RIMBP2: variants seen among roughly 807,000 people sequenced by gnomAD.
RIMBP2 encodes the protein RIMS-binding protein 2.
Under a neutral mutation model 118.6 loss-of-function variants are expected in RIMBP2, and 48 were observed. The observed-to-expected ratio is 0.40, with a 90% CI of 0.32 to 0.51. The LOEUF (loss-of-function observed/expected upper bound fraction) is 0.51. RIMBP2 is among the 20% of genes least tolerant of loss of function. The probability of loss-of-function intolerance (pLI) is 0.41; values close to 1 mark genes in which losing one functional copy is unlikely to be tolerated. For missense variants in RIMBP2, 1,551 were observed against 1,768.3 expected, an observed-to-expected ratio of 0.88 and a Z score of 2.20; for synonymous variants, 762 against 742.9, an observed-to-expected ratio of 1.03 and a Z score of -0.42.
At chr12:130,661,371 C>T (rs924009470) in intron 1 of RIMBP2, among the ~76,000 whole-genome samples, 7 of 152,142 alleles carry the variant, frequency 4.6e-5, no homozygotes, top group African/African-American at 1.7e-4. Context: ...TAACTAGCCT[C>T]AGCATTGTTG....
intron 4 of RIMBP2, among the ~76,000 whole-genome samples, chr12:130,495,741 T>C (rs1313612180): frequency 6.6e-6 from 1 of 152,226 alleles, no homozygotes; most frequent in Non-Finnish European, 1.5e-5. Context: ...TCTTGATCAC[T>C]AACCTCTCCA....
chr12:130,646,154 T>G (rs12832222), intron 1 of RIMBP2, among the ~76,000 whole-genome samples: 1,429 of 10,196 alleles, frequency 0.14, 206 homozygotes, highest in Middle Eastern at 0.21. Flanking sequence ...CACCTGCCTC[T>G]CCACCTCCCT....
At chr12:130,520,698 A>C (rs2052007231) in intron 2 of RIMBP2, among the ~76,000 whole-genome samples, 1 of 141,962 alleles carries the variant, frequency 7.0e-6, no homozygotes, top group Admixed American at 7.3e-5. Flanking sequence ...AAAAAAAGCC[A>C]GTCACAGGGA....
chr12:130,478,297 C>T (rs1365189096), intron 5 of RIMBP2, among the ~76,000 whole-genome samples: 2 of 152,218 alleles, frequency 1.3e-5, no homozygotes, highest in Non-Finnish European at 2.9e-5. Flanking sequence ...TGCTCTGCAA[C>T]TCAGTTTTCT....
chr12:130,485,978 T>C (rs1384941634), intron 4 of RIMBP2, among the ~76,000 whole-genome samples: 1 of 152,188 alleles, frequency 6.6e-6, no homozygotes, highest in Non-Finnish European at 1.5e-5. Context: ...TCATCACAGA[T>C]GCCATGGCTG....
At chr12:130,672,684 C>CT (rs1157678389) in intron 1 of RIMBP2, among the ~76,000 whole-genome samples, 3 of 152,284 alleles carry the variant, frequency 2.0e-5, no homozygotes, top group Non-Finnish European at 4.4e-5. Context: ...GAGGTAGCAG[C>CT]TTTGGGGAAC....
intron 2 of RIMBP2, among the ~76,000 whole-genome samples, chr12:130,535,738 C>CATAT (rs55887629): frequency 1.3e-3 from 88 of 66,652 alleles, no homozygotes; most frequent in South Asian, 2.3e-3. Context: ...CATATATATA[C>CATAT]ATATATATAT....
intron 10 of RIMBP2, 139 bp downstream of exon 10, chr12:130,445,021 T>A: frequency 1.8e-6 from 1 of 553,980 alleles, no homozygotes; most frequent in South Asian, 3.2e-5. Context: ...AACTACGGAG[T>A]GGGGAAGGGT....
chr12:130,440,277 C>T (rs976968910), intron 11 of RIMBP2, among the ~76,000 whole-genome samples: 6 of 152,004 alleles, frequency 3.9e-5, no homozygotes, highest in Non-Finnish European at 8.8e-5. Context: ...CATGGCTAAC[C>T]CTGGCCATAC....
chr12:130,518,615 A>T (rs1171299972), intron 2 of RIMBP2, among the ~76,000 whole-genome samples: 1 of 152,100 alleles, frequency 6.6e-6, no homozygotes, highest in Non-Finnish European at 1.5e-5. Context: ...GAGGGAGAAA[A>T]CTCATTTTTA....
rs568320561 is a variant in RIMBP2 at position 130,478,822 on chromosome 12, C to T, written c.102+90G>A. The T allele has an allele frequency of 3.0e-4, 260 of 873,736 alleles. 1 individual carries two copies. The African/African-American group carries it at 3.8e-3, about 13-fold the overall frequency. 54.1% of individuals were successfully genotyped at this position (873,736 alleles called of 1,614,324 possible). On this transcript the variant is annotated intron_variant, in intron 5 of 22. Coordinates refer to ENST00000690449, the MANE Select transcript of RIMBP2 (RefSeq NM_001393629.1). ...GAGGGAGCGGCCTGGGAGCCAAGGC[C>T]GCAGGTCGGCCGCTCCACCACACCA...
intron 6 of RIMBP2, chr12:130,470,333 C>G (rs1343036530): frequency 4.8e-6 from 1 of 206,878 alleles, no homozygotes; most frequent in African/African-American, 2.3e-5. Flanking sequence ...GGCCTTTACC[C>G]CTGGGGAAAT....
chr12:130,473,813 A>G (rs988454640), intron 5 of RIMBP2, among the ~76,000 whole-genome samples: 1 of 152,140 alleles, frequency 6.6e-6, no homozygotes, highest in Non-Finnish European at 1.5e-5. Context: ...TCCACACACA[A>G]CTGAGGCCGA....
At chr12:130,565,798 G>A (rs933490225) in intron 2 of RIMBP2, among the ~76,000 whole-genome samples, 3 of 152,152 alleles carry the variant, frequency 2.0e-5, no homozygotes, top group Non-Finnish European at 2.9e-5. Flanking sequence ...CACTGTTAAC[G>A]AAATAAATAG....
At chr12:130,711,996 T>A (rs953603108) in intron 1 of RIMBP2, among the ~76,000 whole-genome samples, 22 of 152,208 alleles carry the variant, frequency 1.4e-4, no homozygotes, top group Non-Finnish European at 2.2e-4. Context: ...TACTTCTGCA[T>A]CTAATCATAG....
chr12:130,449,607 G>A (rs1456046360), intron 9 of RIMBP2, among the ~76,000 whole-genome samples: 1 of 149,096 alleles, frequency 6.7e-6, no homozygotes, highest in East Asian at 2.0e-4. Flanking sequence ...GTGGCGGGAT[G>A]TCCCCTGGAA....
intron 17 of RIMBP2, among the ~76,000 whole-genome samples, chr12:130,415,817 C>A (rs2076064770): frequency 6.6e-6 from 1 of 152,196 alleles, no homozygotes; most frequent in South Asian, 2.1e-4. Flanking sequence ...GAAGACTCTG[C>A]TAAAAGGCTC....
intron 3 of RIMBP2, among the ~76,000 whole-genome samples, chr12:130,512,490 T>C (rs1036005454): frequency 6.6e-6 from 1 of 152,130 alleles, no homozygotes; most frequent in African/African-American, 2.4e-5. Context: ...GCCCAGCCAA[T>C]TTTTGTATTT....
rs139127176 is a variant in RIMBP2 at position 130,480,397 on chromosome 12, G to A, written c.-3-1381C>T. ...GATGGCATATACCCCCGATGTCTGC[G>A]GCCCCACGGGCCTGCCCCCCATGTC... On this transcript the variant is annotated intron_variant, in intron 4 of 22. Coordinates refer to ENST00000690449, the MANE Select transcript of RIMBP2 (RefSeq NM_001393629.1). Among the ~76,000 whole-genome samples, 6 of 152,226 alleles carry A rather than the reference G, an allele frequency of 3.9e-5. No homozygotes were observed. The East Asian group carries it at 7.8e-4, about 20-fold the overall frequency.
Sources: gnomAD v4.1 joint callset for allele counts (sites outside exome capture counted in the v4.1 genomes callset) on GRCh38, gnomAD v4.1.1 for gene constraint, MANE v1.5 for transcripts, NCBI Gene and HGNC (gene_info 2026-07-23, HGNC 2026-07-21) for gene names.